Variants in EFHC1 observed in about 807,000 individuals in gnomAD.
The protein encoded by EFHC1 is EF-hand domain-containing protein 1.
In EFHC1, 53 loss-of-function variants were observed where a neutral mutation model predicts 69.9. The ratio of observed to expected loss-of-function variants is 0.76; its 90% CI spans 0.61 to 0.95. EFHC1 has a LOEUF of 0.95. Among genes scored for constraint, EFHC1 ranks in the 40% least tolerant of loss-of-function variants. The probability of loss-of-function intolerance (pLI) is 0.00; values close to 1 mark genes in which losing one functional copy is unlikely to be tolerated. For synonymous variants in EFHC1, 256 were observed against 278.4 expected (o/e 0.92, Z 0.80); for missense variants, 739 against 798.7 (o/e 0.93, Z 0.90).
At chr6:52,456,053 A>G (rs1581832434) in intron 5 of EFHC1, among the ~76,000 whole-genome samples, 1 of 152,328 alleles carries the variant, frequency 6.6e-6, no homozygotes, top group Middle Eastern at 3.4e-3. Flanking sequence ...CTGCATTAGA[A>G]TGATTGCATG....
chr6:52,492,974 T>C lies in EFHC1; in HGVS notation c.*633T>C. The C allele has an allele frequency of 2.2e-6, 1 of 454,104 alleles. No individual in the cohort carries two copies. Among genetic ancestry groups the C allele is most frequent in the South Asian group, 1.6e-5 (1 of 64,474 alleles). The allele number at this position is 454,104 out of a possible 1,614,324, so 28.1% of individuals were successfully genotyped here. The stretch of plus-strand genomic sequence containing the variant: ...AAGGTATTTTTCGATGAGATAAACA[T>C]TTGAATCAGAAGACTAAGTAAAACA... On this transcript the variant is annotated 3_prime_UTR_variant, in exon 11 of 11. Coordinates refer to ENST00000371068, the MANE Select transcript of EFHC1 (RefSeq NM_018100.4).
intron 9 of EFHC1, chr6:52,489,178 A>G (rs1166489223): frequency 1.3e-5 from 2 of 152,238 alleles, no homozygotes; most frequent in South Asian, 4.1e-4. Context: ...GTAAATACAG[A>G]AAAGCAATGG....
chr6:52,437,890 C>A (rs921699061), intron 2 of EFHC1, among the ~76,000 whole-genome samples: 1 of 152,100 alleles, frequency 6.6e-6, no homozygotes, highest in Non-Finnish European at 1.5e-5. Flanking sequence ...ATGAGGGGGA[C>A]ACAATTTAGT....
At chr6:52,453,719 A>T in intron 4 of EFHC1, 1 of 1,246,942 alleles carries the variant, frequency 8.0e-7, no homozygotes, top group East Asian at 5.6e-5. Context: ...AATTTTTTCT[A>T]CACTAATTAT....
intron 3 of EFHC1, among the ~76,000 whole-genome samples, chr6:52,442,216 A>G (rs1449490335): frequency 6.6e-6 from 1 of 152,112 alleles, no homozygotes; most frequent in Non-Finnish European, 1.5e-5. Context: ...TTCCCTGTTC[A>G]ATATAATGTT....
In EFHC1 at chr6:52,479,211, T is replaced by C. The variant is rs779322943; in HGVS notation, c.1453T>C (p.Tyr485His). Residue 485 changes from tyrosine (Y) to histidine (H), a missense_variant, in exon 8 of 11, where the codon TAT (tyrosine) becomes CAT (histidine). Coordinates refer to ENST00000371068, the MANE Select transcript of EFHC1 (RefSeq NM_018100.4). Reference sequence around the variant, plus strand: ...CTCTACAGTGGACAACCCTGTCTACTATGGCCCCAGTGACTTCTTCATTGG... The same window carrying C: ...CTCTACAGTGGACAACCCTGTCTACCATGGCCCCAGTGACTTCTTCATTGG... ...PYSTVDNPVY[Y>H]GPSDFFIGAV... 3 of 1,614,136 alleles carry C rather than the reference T, an allele frequency of 1.9e-6. No individual in the cohort carries two copies. The highest frequency in any genetic ancestry group is 2.5e-6 in the Non-Finnish European group (3 of 1,179,982).
In EFHC1 at chr6:52,496,055, C is replaced by T. The variant is rs536223583; in HGVS notation, c.*3714C>T. 7 of 193,380 alleles carry T rather than the reference C, an allele frequency of 3.6e-5. No individual in the cohort carries two copies. The highest frequency in any genetic ancestry group is 1.0e-4 in the South Asian group (1 of 9,554). The allele number at this position is 193,380 out of a possible 1,614,324, so 12.0% of individuals were successfully genotyped here. A position where few individuals can be genotyped will look rare whatever the true frequency, so the allele number is the denominator to read the frequency against. ...AGATGTCACTAATTACCTTATGCTACAGTCATAGCTGGCATGCATCTGGAG... is the reference window on the plus strand; with the variant it reads ...AGATGTCACTAATTACCTTATGCTATAGTCATAGCTGGCATGCATCTGGAG... On this transcript the variant is annotated 3_prime_UTR_variant, in exon 11 of 11. Coordinates refer to ENST00000371068, the MANE Select transcript of EFHC1 (RefSeq NM_018100.4).
At chr6:52,486,143 G>A (rs931539009) in intron 9 of EFHC1, 14 of 152,146 alleles carry the variant, frequency 9.2e-5, no homozygotes, top group Admixed American at 9.2e-4. Flanking sequence ...TCATGAAAGG[G>A]GATCATGAGT....
chr6:52,488,280 A>G (rs1054715205), intron 9 of EFHC1: 4 of 152,250 alleles, frequency 2.6e-5, no homozygotes, highest in Non-Finnish European at 5.9e-5. Flanking sequence ...CATTCATCAG[A>G]TAAACACATT....
chr6:52,466,685 T>A (rs1380756909), intron 6 of EFHC1, among the ~76,000 whole-genome samples: 1 of 152,248 alleles, frequency 6.6e-6, no homozygotes, highest in Non-Finnish European at 1.5e-5. Flanking sequence ...AATATGTTTC[T>A]TGAACTGGAC....
chr6:52,480,892 G>A (rs1300904997), intron 9 of EFHC1, among the ~76,000 whole-genome samples: 1 of 152,102 alleles, frequency 6.6e-6, no homozygotes, highest in Non-Finnish European at 1.5e-5. Flanking sequence ...GCTAGATTGT[G>A]TAGGACTTAC....
intron 9 of EFHC1, chr6:52,484,272 A>G (rs1386109957): frequency 6.6e-6 from 1 of 152,174 alleles, no homozygotes; most frequent in Non-Finnish European, 1.5e-5. Context: ...CTTAAAAATT[A>G]TTGAGGGCCC....
At chr6:52,433,304 A>G (rs1363642405) in intron 2 of EFHC1, among the ~76,000 whole-genome samples, 1 of 151,960 alleles carries the variant, frequency 6.6e-6, no homozygotes, top group African/African-American at 2.4e-5. Flanking sequence ...ATTTGGGTAG[A>G]CTCTATCAGA....
At chr6:52,446,487 A>C (rs563376729) in intron 3 of EFHC1, among the ~76,000 whole-genome samples, 2 of 152,258 alleles carry the variant, frequency 1.3e-5, no homozygotes, top group Admixed American at 6.5e-5. Flanking sequence ...TGAATACAGC[A>C]CACTGATGGG....
intron 2 of EFHC1, among the ~76,000 whole-genome samples, chr6:52,434,232 C>A (rs1764478554): frequency 6.6e-6 from 1 of 152,218 alleles, no homozygotes; most frequent in African/African-American, 2.4e-5. Flanking sequence ...TTACACAGTT[C>A]AGCTGGAGGT....
intron 6 of EFHC1, chr6:52,468,719 C>G (rs1418349273): frequency 1.3e-5 from 2 of 156,884 alleles, no homozygotes; most frequent in African/African-American, 4.8e-5. Flanking sequence ...TCCATAGTTA[C>G]CTGTAAATTC....
intron 7 of EFHC1, among the ~76,000 whole-genome samples, chr6:52,475,061 TAAAAG>T (rs1293987269): frequency 1.3e-5 from 2 of 151,876 alleles, no homozygotes; most frequent in Admixed American, 6.6e-5. Context: ...TAAAAAAAAT[TAAAAG>T]AAAGCCAACA....
intron 7 of EFHC1, 36 bp downstream of exon 7, chr6:52,469,509 T>C (rs1351712403): frequency 6.2e-7 from 1 of 1,611,324 alleles, no homozygotes; most frequent in East Asian, 2.2e-5. Context: ...GATTCTCTTC[T>C]ATCTCAGTAC....
intron 2 of EFHC1, among the ~76,000 whole-genome samples, chr6:52,426,546 A>C (rs1289812824): frequency 3.3e-5 from 5 of 152,098 alleles, no homozygotes; most frequent in Non-Finnish European, 5.9e-5. Flanking sequence ...AGAGAATGTC[A>C]CTATTTAGTT....
Sources: allele counts gnomAD v4.1 joint callset (sites outside exome capture counted in the v4.1 genomes callset), GRCh38; gene constraint gnomAD v4.1.1; transcripts MANE v1.5; gene names NCBI Gene and HGNC (gene_info 2026-07-23, HGNC 2026-07-21).